The following IQCH variants were observed in gnomAD, a reference collection of about 807,000 sequenced individuals.
IQCH encodes IQ domain-containing protein H.
IQCH carries 98 observed loss-of-function variants against 117.0 expected under a neutral mutation model. That is an observed-to-expected ratio of 0.84 (90% CI 0.71 to 0.99). The LOEUF (loss-of-function observed/expected upper bound fraction) is 0.99, where lower values mean the gene tolerates loss of function less well. IQCH is among the 50% of genes least tolerant of loss of function. The pLI, the probability that IQCH is intolerant of heterozygous loss-of-function variation, is 0.00. For missense variants in IQCH, 1,102 were observed against 1,243.8 expected (o/e 0.89, Z 1.72); for synonymous variants, 412 against 448.2 (o/e 0.92, Z 1.02).
Position 67,475,768 on chromosome 15 carries a change from T to C in IQCH, c.2749T>C (p.Tyr917His). 1 of 1,614,148 alleles carries C rather than the reference T, an allele frequency of 6.2e-7. No homozygotes were observed. The change falls in exon 18 of 21, where the codon TAT (tyrosine) becomes CAT (histidine). Residue 917 changes from tyrosine to histidine, a missense_variant. Transcript: ENST00000335894. This position sits in a 1 kb window ranked among gnomAD's most constrained non-coding sequence, Gnocchi z 5.7. ...RHSNLSLVFH[Y>H]VFLQICRAHG... ...CAGCAATCTCTCACTGGTTTTCCAC[T>C]ATGTTTTTCTCCAGATCTGTAGGGC...
intron 4 of IQCH, among the ~76,000 whole-genome samples, chr15:67,284,241 A>T (rs2140485729): frequency 6.6e-6 from 1 of 152,186 alleles, no homozygotes; most frequent in South Asian, 2.1e-4. Context: ...TTCCATCTTC[A>T]TGAGTTCAAC....
chr15:67,371,750 T>G (rs911819718), intron 8 of IQCH, among the ~76,000 whole-genome samples: 21 of 152,234 alleles, frequency 1.4e-4, no homozygotes, highest in Non-Finnish European at 7.3e-5. Context: ...ATCAGCAACA[T>G]GCTTCTCAGA....
intron 16 of IQCH, among the ~76,000 whole-genome samples, chr15:67,435,784 A>C (rs1041898948): frequency 6.6e-6 from 1 of 151,878 alleles, no homozygotes; most frequent in Non-Finnish European, 1.5e-5. Context: ...AGGCACGAGA[A>C]TCTCTTGAAC....
At chr15:67,448,310 G>C (rs61662281) in intron 16 of IQCH, among the ~76,000 whole-genome samples, 2,322 of 151,802 alleles carry the variant, frequency 0.015, 65 homozygotes, top group African/African-American at 0.053. Context: ...TGCCATGTTG[G>C]TGTGCTGCAC....
chr15:67,492,977 T>C (rs1396632184), intron 19 of IQCH, among the ~76,000 whole-genome samples: 1 of 152,204 alleles, frequency 6.6e-6, no homozygotes, highest in Non-Finnish European at 1.5e-5. Flanking sequence ...CTTGCCCAGC[T>C]GTCCCTACAC....
chr15:67,338,187 G>T (rs2140662245), intron 5 of IQCH, among the ~76,000 whole-genome samples: 1 of 135,546 alleles, frequency 7.4e-6, no homozygotes, highest in South Asian at 2.3e-4. Flanking sequence ...ATGAATGAAT[G>T]AATCGATATA....
intron 4 of IQCH, among the ~76,000 whole-genome samples, chr15:67,283,395 C>T (rs1966441288): frequency 6.6e-6 from 1 of 152,076 alleles, no homozygotes; most frequent in South Asian, 2.1e-4. Context: ...TTGAGTCATA[C>T]AAATAAAGAC....
Position 67,344,148 on chromosome 15 carries a change from T to C in IQCH, c.594T>C (p.Ala198=). 2 of 1,613,756 alleles carry C rather than the reference T, an allele frequency of 1.2e-6. No individual in the cohort carries two copies. The highest frequency in any genetic ancestry group is 1.7e-6 in the Non-Finnish European group (2 of 1,179,754). ...ATCCACCCATTACACCCAGAGCAGC[T>C]CCTCTGCATAGTTTTGATGAAGCAC... is the stretch of plus-strand genomic sequence containing the variant. ...FQNPPITPRA[A]PLHSFDEARK... The change falls in exon 6 of 21, where the codon GCT becomes GCC. Residue 198 remains alanine, a synonymous_variant. Coordinates refer to ENST00000335894, the MANE Select transcript of IQCH (RefSeq NM_001031715.3).
Position 67,433,683 on chromosome 15 carries a change from C to T in IQCH, c.2505+12106C>T, listed in dbSNP as rs545918886. Among the ~76,000 whole-genome samples the T allele has an allele frequency of 2.6e-5, 4 of 152,288 alleles. No individual in the cohort carries two copies. The South Asian group carries it at 8.3e-4, about 32-fold the overall frequency. The stretch of plus-strand genomic sequence containing the variant: ...ATGGCCAGGGCGAGGAAAATCTGGA[C>T]ACTCACACTGCACCCTGCTGTCTCC... On this transcript the variant is annotated intron_variant, in intron 16 of 20. Coordinates refer to ENST00000335894, the MANE Select transcript of IQCH (RefSeq NM_001031715.3). The surrounding 1 kb of genome is among the most constrained non-coding windows in gnomAD (Gnocchi z 5.4).
chr15:67,449,068 G>A (rs1396421410), intron 16 of IQCH, among the ~76,000 whole-genome samples: 1 of 143,250 alleles, frequency 7.0e-6, no homozygotes, highest in East Asian at 2.0e-4. Flanking sequence ...TTTTGATGGG[G>A]TTGTTTGTTT....
Position 67,302,168 on chromosome 15 carries a change from G to A in IQCH, c.387+22656G>A, listed in dbSNP as rs145623969. Among the ~76,000 whole-genome samples, 334 of 152,254 alleles carry A rather than the reference G, an allele frequency of 2.2e-3. 1 individual carries two copies. The highest frequency in any genetic ancestry group is 3.6e-3 in the Non-Finnish European group (247 of 68,004). The stretch of plus-strand genomic sequence containing the variant: ...AAATGTTCTAACAAAGCTTAGACGT[G>A]ATAGATGAAGCTATTACCATCAATT... On this transcript the variant is annotated intron_variant, in intron 4 of 20. Transcript: ENST00000335894.
At chr15:67,282,913 T>C (rs1966422304) in intron 4 of IQCH, among the ~76,000 whole-genome samples, 1 of 152,170 alleles carries the variant, frequency 6.6e-6, no homozygotes, top group Non-Finnish European at 1.5e-5. Flanking sequence ...CTCTTTTAAT[T>C]TGAAAAAGCA....
At chr15:67,315,695 C>T (rs1012356428) in intron 4 of IQCH, among the ~76,000 whole-genome samples, 4 of 152,098 alleles carry the variant, frequency 2.6e-5, no homozygotes, top group African/African-American at 7.2e-5. Context: ...CTATGAAATA[C>T]CACTCGCCTT....
rs1969219276 is a variant in IQCH at position 67,342,543 on chromosome 15, T to G, written c.509-1520T>G. ...TGAAACTGACTCTTGAAATGAAAAA[T>G]ATATTAAATTATAAGGAGACCTGTT... On this transcript the variant is annotated intron_variant, in intron 5 of 20. Coordinates refer to ENST00000335894, the MANE Select transcript of IQCH (RefSeq NM_001031715.3). This position sits in a 1 kb window ranked among gnomAD's most constrained non-coding sequence, Gnocchi z 4.7. Among the ~76,000 whole-genome samples the G allele has an allele frequency of 6.6e-6, 1 of 152,126 alleles. No individual in the cohort carries two copies. The highest frequency in any genetic ancestry group is 1.5e-5 in the Non-Finnish European group (1 of 68,028).
At chr15:67,292,279 A>G (rs1278644271) in intron 4 of IQCH, among the ~76,000 whole-genome samples, 1 of 152,078 alleles carries the variant, frequency 6.6e-6, no homozygotes, top group Non-Finnish European at 1.5e-5. Flanking sequence ...GAGACAGGGT[A>G]TTGCTCTGTT....
At position 67,344,745 on chromosome 15, in the gene IQCH, A is replaced by G. The variant is rs545462205; in HGVS notation, c.637+554A>G. 7.2e-5 allele frequency among the ~76,000 whole-genome samples: 11 copies of G among 152,336 alleles called. No individual in the cohort carries two copies. In the South Asian group the frequency reaches 2.3e-3, roughly 32 times the overall value. On this transcript the variant is annotated intron_variant, in intron 6 of 20. Transcript: ENST00000335894. ...TGGGGTACTGATGTTATTTAACTAA[A>G]CTGTAATACTAGAATTTGTACATAC... is the stretch of plus-strand genomic sequence containing the variant.
intron 16 of IQCH, among the ~76,000 whole-genome samples, chr15:67,429,396 T>C (rs563126943): frequency 3.4e-4 from 52 of 152,250 alleles, no homozygotes; most frequent in Admixed American, 2.9e-3. Context: ...TGTGCACCTA[T>C]AGTCCCAGCT....
chr15:67,448,668 A>G (rs2082447120), intron 16 of IQCH, among the ~76,000 whole-genome samples: 1 of 152,150 alleles, frequency 6.6e-6, no homozygotes, highest in African/African-American at 2.4e-5. Context: ...TATTGTGAGT[A>G]GTGCCGCAAT....
intron 3 of IQCH, among the ~76,000 whole-genome samples, chr15:67,272,659 A>G (rs1965949209): frequency 6.6e-6 from 1 of 152,056 alleles, no homozygotes; most frequent in Admixed American, 6.6e-5. Flanking sequence ...TGCTGAATTG[A>G]CTCCTTTAAT....
Sources: gnomAD v4.1 joint callset for allele counts (sites outside exome capture counted in the v4.1 genomes callset) on GRCh38, gnomAD v4.1.1 for gene constraint, Gnocchi (gnomAD v3.1) non-coding constraint, MANE v1.5 for transcripts, NCBI Gene and HGNC (gene_info 2026-07-23, HGNC 2026-07-21) for gene names.